PDE4B: variants seen among roughly 807,000 people sequenced by gnomAD.
The protein encoded by PDE4B is 3',5'-cyclic-AMP phosphodiesterase 4B.
In PDE4B, 20 loss-of-function variants were observed where a neutral mutation model predicts 82.2. That is an observed-to-expected ratio of 0.24 (90% CI 0.17 to 0.35). The LOEUF (loss-of-function observed/expected upper bound fraction) is 0.35. PDE4B is among the 10% of genes least tolerant of loss of function. The pLI, the probability that PDE4B is intolerant of heterozygous loss-of-function variation, is 1.00. For missense variants in PDE4B, 655 were observed against 907.2 expected, an observed-to-expected ratio of 0.72 and a Z score of 3.57; for synonymous variants, 320 against 318.9, an observed-to-expected ratio of 1.00 and a Z score of -0.04.
At chr1:66,264,605 C>A (rs953576631) in intron 6 of PDE4B, among the ~76,000 whole-genome samples, 2 of 152,108 alleles carry the variant, frequency 1.3e-5, no homozygotes, top group Non-Finnish European at 2.9e-5. Flanking sequence ...TTTAAAAGTA[C>A]CCTGCCTAAG....
chr1:65,858,231 G>T lies in PDE4B; in HGVS notation c.-70-55014G>T, dbSNP rs549776537. On this transcript the variant is annotated intron_variant, in intron 1 of 16. Coordinates refer to ENST00000341517, the MANE Select transcript of PDE4B (RefSeq NM_002600.4). ...TTTGAAAGTGTTAAAAATGAGTTCA[G>T]TTCAGCTGAGAAGATTTAAATTCAT... Among the ~76,000 whole-genome samples, 20 of 152,266 alleles carry T rather than the reference G, an allele frequency of 1.3e-4. 1 individual carries two copies. Among genetic ancestry groups the T allele is most frequent in the African/African-American group, 4.8e-4 (20 of 41,556 alleles).
At chr1:65,946,820 A>C (rs1648737813) in intron 3 of PDE4B, among the ~76,000 whole-genome samples, 2 of 151,978 alleles carry the variant, frequency 1.3e-5, no homozygotes, top group Admixed American at 1.3e-4. Flanking sequence ...CGTTTGGCAA[A>C]TAGATCATAA....
intron 8 of PDE4B, among the ~76,000 whole-genome samples, chr1:66,339,130 A>G (rs1660766490): frequency 6.6e-6 from 1 of 152,230 alleles, no homozygotes; most frequent in South Asian, 2.1e-4. Flanking sequence ...GGCATGGAAC[A>G]TGACCATAAA....
chr1:66,168,410 CGAG>C (rs1240339300), intron 3 of PDE4B, among the ~76,000 whole-genome samples: 1 of 151,964 alleles, frequency 6.6e-6, no homozygotes, highest in African/African-American at 2.4e-5. Context: ...ACCTTGATAA[CGAG>C]GTGACATTTG....
chr1:65,800,799 C>G (rs915980453), intron 1 of PDE4B, among the ~76,000 whole-genome samples: 3 of 152,184 alleles, frequency 2.0e-5, no homozygotes, highest in African/African-American at 7.2e-5. Context: ...TGGGCTAAGA[C>G]TATCCAACTA....
chr1:65,897,262 C>T (rs1033946756), intron 1 of PDE4B, among the ~76,000 whole-genome samples: 1 of 152,104 alleles, frequency 6.6e-6, no homozygotes, highest in African/African-American at 2.4e-5. Context: ...CTTACCTGTA[C>T]ACAGATATAT....
chr1:66,149,617 G>A (rs1277559002), intron 3 of PDE4B, among the ~76,000 whole-genome samples: 1 of 152,182 alleles, frequency 6.6e-6, no homozygotes, highest in Non-Finnish European at 1.5e-5. Context: ...ACTTTGGGAA[G>A]CCAAGATGGG....
intron 1 of PDE4B, among the ~76,000 whole-genome samples, chr1:65,823,337 A>C (rs1483409537): frequency 2.0e-5 from 3 of 148,896 alleles, no homozygotes; most frequent in Non-Finnish European, 4.4e-5. Flanking sequence ...CAGAAGTTGC[A>C]GTGAGCCAAG....
intron 7 of PDE4B, chr1:66,331,663 A>G (rs757177721): frequency 8.3e-6 from 6 of 723,088 alleles, no homozygotes; most frequent in South Asian, 1.2e-4. Flanking sequence ...AAAAATCTGC[A>G]GAGTGTTCAC....
intron 1 of PDE4B, among the ~76,000 whole-genome samples, chr1:65,864,025 G>A (rs1367998447): frequency 6.6e-6 from 1 of 151,776 alleles, no homozygotes; most frequent in Non-Finnish European, 1.5e-5. Flanking sequence ...GTGTGAATTT[G>A]AGCCCCATAT....
intron 1 of PDE4B, among the ~76,000 whole-genome samples, chr1:65,883,098 T>A (rs1646728304): frequency 6.6e-6 from 1 of 152,188 alleles, no homozygotes; most frequent in Non-Finnish European, 1.5e-5. Context: ...GAGAATTAGA[T>A]GAGACTCCTG....
intron 3 of PDE4B, among the ~76,000 whole-genome samples, chr1:66,218,879 TA>T: frequency 6.6e-6 from 1 of 152,184 alleles, no homozygotes; most frequent in East Asian, 1.9e-4. Context: ...TAGCTATCTT[TA>T]AAAAAGCTGT....
chr1:66,029,570 T>C (rs2100793164), intron 3 of PDE4B, among the ~76,000 whole-genome samples: 1 of 152,324 alleles, frequency 6.6e-6, no homozygotes, highest in Admixed American at 6.5e-5. Flanking sequence ...GAAGAGTCTA[T>C]TGACTCTTTT....
chr1:65,798,238 CTTTTTTTTTTTTTTTTT>C (rs781315273), intron 1 of PDE4B, among the ~76,000 whole-genome samples: 1 of 22,670 alleles, frequency 4.4e-5, no homozygotes, highest in Non-Finnish European at 6.6e-5. Context: ...CCAGGCTAGT[CTTTTTTTTTTTTTTTTT>C]TTTTTTTTTT....
intron 1 of PDE4B, among the ~76,000 whole-genome samples, chr1:65,854,733 GT>G (rs1646372922): frequency 6.6e-6 from 1 of 151,788 alleles, no homozygotes; most frequent in Non-Finnish European, 1.5e-5. Context: ...TTGCAAGTAG[GT>G]TTATACTTTT....
intron 3 of PDE4B, among the ~76,000 whole-genome samples, chr1:65,958,815 C>T (rs1649399472): frequency 6.6e-6 from 1 of 152,102 alleles, no homozygotes; most frequent in Middle Eastern, 3.4e-3. Flanking sequence ...ATCTTTTTAA[C>T]CTGTTTTATC....
intron 9 of PDE4B, among the ~76,000 whole-genome samples, chr1:66,357,344 T>A (rs1008148480): frequency 1.3e-5 from 2 of 152,098 alleles, no homozygotes; most frequent in African/African-American, 4.8e-5. Context: ...ATCTTTTTTA[T>A]CACCATAGTC....
intron 3 of PDE4B, among the ~76,000 whole-genome samples, chr1:66,100,508 G>A (rs992040317): frequency 3.3e-5 from 5 of 152,076 alleles, no homozygotes; most frequent in African/African-American, 1.2e-4. Context: ...ATCAATAAAT[G>A]AATTTAAAAA....
intron 3 of PDE4B, among the ~76,000 whole-genome samples, chr1:66,206,364 C>G (rs1238153533): frequency 6.6e-6 from 1 of 152,124 alleles, no homozygotes; most frequent in Non-Finnish European, 1.5e-5. Context: ...AAGAGAATCT[C>G]TAGCGGGGGG....
Sources: gnomAD v4.1 joint callset for allele counts (sites outside exome capture counted in the v4.1 genomes callset) on GRCh38, gnomAD v4.1.1 for gene constraint, MANE v1.5 for transcripts, NCBI Gene and HGNC (gene_info 2026-07-23, HGNC 2026-07-21) for gene names.